The following RIPOR2 variants were observed in gnomAD, a reference collection of about 807,000 sequenced individuals.
RIPOR2 encodes the protein RHO family interacting cell polarization regulator 2.
Under a neutral mutation model 114.5 loss-of-function variants are expected in RIPOR2, and 39 were observed. The ratio of observed to expected loss-of-function variants is 0.34; its 90% CI spans 0.26 to 0.44. The LOEUF (loss-of-function observed/expected upper bound fraction) is 0.44, where lower values mean the gene tolerates loss of function less well. Among genes scored for constraint, RIPOR2 ranks in the 20% least tolerant of loss-of-function variants. The pLI is 1.00. For missense variants in RIPOR2, 1,007 were observed against 1,255.1 expected (o/e 0.80, Z 2.99); for synonymous variants, 445 against 484.4 (o/e 0.92, Z 1.07).
At chr6:24,979,161 C>T (rs547942116) in intron 1 of RIPOR2, among the ~76,000 whole-genome samples, 6 of 152,266 alleles carry the variant, frequency 3.9e-5, no homozygotes, top group African/African-American at 7.2e-5. Flanking sequence ...TCTCAGCTGT[C>T]GTGCATCCTA....
intron 2 of RIPOR2, among the ~76,000 whole-genome samples, chr6:24,875,120 A>C (rs536258402): frequency 3.0e-4 from 46 of 152,234 alleles, no homozygotes; most frequent in Non-Finnish European, 6.6e-4. Flanking sequence ...GGGACAATAC[A>C]GGTTAAAGCA....
At chr6:24,836,624 C>A (rs1015760955) in intron 14 of RIPOR2, among the ~76,000 whole-genome samples, 4 of 152,100 alleles carry the variant, frequency 2.6e-5, no homozygotes, top group Non-Finnish European at 5.9e-5. Flanking sequence ...CACAGCTAGA[C>A]GGGACAGGGA....
chr6:24,889,980 C>T (rs1475794785), intron 1 of RIPOR2, among the ~76,000 whole-genome samples: 2 of 152,114 alleles, frequency 1.3e-5, no homozygotes, highest in Non-Finnish European at 2.9e-5. Context: ...CAACCTCTGC[C>T]TCCCGGGTTC....
intron 1 of RIPOR2, chr6:24,976,389 G>A (rs111305490): frequency 5.0e-6 from 7 of 1,386,216 alleles, no homozygotes; most frequent in Non-Finnish European, 5.1e-6. Flanking sequence ...TGCAGACGCC[G>A]CCGCCGAGGA....
intron 6 of RIPOR2, among the ~76,000 whole-genome samples, chr6:24,866,220 AT>A (rs1439897382): frequency 1.3e-5 from 2 of 152,252 alleles, no homozygotes; most frequent in South Asian, 2.1e-4. Context: ...TTACAAAAAA[AT>A]AAATTGAAGC....
chr6:24,821,554 GC>G lies in RIPOR2; in HGVS notation c.2869-2930del, dbSNP rs919688086. Among the ~76,000 whole-genome samples, 133 of 152,322 alleles carry G rather than the reference GC, an allele frequency of 8.7e-4. 1 individual carries two copies. Among genetic ancestry groups the G allele is most frequent in the African/African-American group, 3.1e-3 (127 of 41,580 alleles). The stretch of plus-strand genomic sequence containing the variant: ...AAGATATGCAGTATAGGTTATTACA[GC>G]AAGAACAAAAGCAGTAACAGTAACT... On this transcript the variant is annotated intron_variant, in intron 19 of 21. Coordinates refer to ENST00000643898, the MANE Select transcript of RIPOR2 (RefSeq NM_001286445.3).
At chr6:24,976,560 T>C in intron 1 of RIPOR2, 1 of 1,597,292 alleles carries the variant, frequency 6.3e-7, no homozygotes, top group Non-Finnish European at 8.6e-7. Context: ...TGGAGCTGTT[T>C]GCAGACAAGG....
chr6:25,000,667 G>A (rs1775268656), intron 1 of RIPOR2, among the ~76,000 whole-genome samples: 1 of 150,210 alleles, frequency 6.7e-6, no homozygotes. Context: ...TCCCGTGCTG[G>A]CTTTTCTTTC....
intron 11 of RIPOR2, 136 bp downstream of exon 11, chr6:24,849,666 G>T: frequency 1.3e-6 from 1 of 755,344 alleles, no homozygotes; most frequent in Non-Finnish European, 2.2e-6. Context: ...TGACACAGTA[G>T]TCCTGGGGTG....
intron 1 of RIPOR2, among the ~76,000 whole-genome samples, chr6:24,895,371 T>C (rs182127392): frequency 2.4e-4 from 37 of 152,120 alleles, no homozygotes; most frequent in Admixed American, 7.9e-4. Flanking sequence ...TTTAAAAATG[T>C]CATTGCCCAA....
chr6:24,973,936 G>A lies in RIPOR2; in HGVS notation c.76+67915C>T, dbSNP rs1007170468. Among the ~76,000 whole-genome samples the A allele has an allele frequency of 3.0e-4, 46 of 152,186 alleles. 1 individual carries two copies. Reference sequence around the variant, plus strand: ...AAAGATGGGAATGATAGACACTTGGGATGACTAGAGGACGGAGAGAAGGAG... The same window carrying A: ...AAAGATGGGAATGATAGACACTTGGAATGACTAGAGGACGGAGAGAAGGAG... On this transcript the variant is annotated intron_variant, in intron 1 of 13. Transcript: ENST00000510784.
At chr6:24,891,949 C>T (rs972337509) in intron 1 of RIPOR2, among the ~76,000 whole-genome samples, 15 of 152,326 alleles carry the variant, frequency 9.8e-5, no homozygotes, top group Admixed American at 6.5e-4. Flanking sequence ...ACATCCACCT[C>T]CCAGGTTCAA....
chr6:24,835,167 A>C (rs1761018225), intron 15 of RIPOR2, among the ~76,000 whole-genome samples: 1 of 152,258 alleles, frequency 6.6e-6, no homozygotes, highest in African/African-American at 2.4e-5. Flanking sequence ...AAGGAAAATT[A>C]GCTCTGTGGT....
At chr6:25,031,485 C>G (rs545158794) in intron 1 of RIPOR2, among the ~76,000 whole-genome samples, 65 of 151,058 alleles carry the variant, frequency 4.3e-4, no homozygotes, top group Non-Finnish European at 9.0e-4. Flanking sequence ...AAAAAGTATG[C>G]TGTGCTCTAT....
intron 4 of RIPOR2, among the ~76,000 whole-genome samples, chr6:24,871,425 C>T (rs1765160542): frequency 6.6e-6 from 1 of 152,260 alleles, no homozygotes; most frequent in African/African-American, 2.4e-5. Context: ...GATCTCGGCT[C>T]ACCGCAACTT....
chr6:25,014,272 C>T (rs554713299), intron 1 of RIPOR2, among the ~76,000 whole-genome samples: 1 of 152,208 alleles, frequency 6.6e-6, no homozygotes, highest in Non-Finnish European at 1.5e-5. Flanking sequence ...AGTTAATTTT[C>T]CTTTCAATGG....
chr6:24,992,698 C>T (rs1258009445), intron 1 of RIPOR2, among the ~76,000 whole-genome samples: 1 of 152,148 alleles, frequency 6.6e-6, no homozygotes, highest in Admixed American at 6.5e-5. Flanking sequence ...ACATTCTTCA[C>T]AGAACTAGAA....
In RIPOR2 at chr6:24,852,058, A is replaced by G. The variant is rs530918783; in HGVS notation, c.759+517T>C. Among the ~76,000 whole-genome samples the G allele has an allele frequency of 7.9e-3, 1,199 of 152,070 alleles. 14 individuals carry two copies. The highest frequency in any genetic ancestry group is 0.026 in the African/African-American group (1,086 of 41,502). On this transcript the variant is annotated intron_variant, in intron 9 of 21. Transcript: ENST00000643898. Reference sequence around the variant, plus strand: ...GGGAATCACTTGAGGTCAGGAGTTCAAGACCAGCCTGGCCAACATGGTGAA... The same window carrying G: ...GGGAATCACTTGAGGTCAGGAGTTCGAGACCAGCCTGGCCAACATGGTGAA...
In RIPOR2 at chr6:25,025,124, G is replaced by A. The variant is rs187227686; in HGVS notation, c.76+16727C>T. ...GAGAGGACAGAGTTTGATATGTAGCGGTCTCTTTATTCATTTAATGGTAAC... is the reference window on the plus strand; with the variant it reads ...GAGAGGACAGAGTTTGATATGTAGCAGTCTCTTTATTCATTTAATGGTAAC... On this transcript the variant is annotated intron_variant, in intron 1 of 13. Coordinates refer to the RIPOR2 transcript ENST00000510784. 4.6e-5 allele frequency among the ~76,000 whole-genome samples: 7 copies of A among 152,216 alleles called. No homozygotes were observed. The East Asian group carries it at 5.8e-4, about 13-fold the overall frequency.
Sources: gnomAD v4.1 joint callset for allele counts (sites outside exome capture counted in the v4.1 genomes callset) on GRCh38, gnomAD v4.1.1 for gene constraint, MANE v1.5 for transcripts, NCBI Gene and HGNC (gene_info 2026-07-23, HGNC 2026-07-21) for gene names.